Variants in TUBA1C observed in about 807,000 individuals in gnomAD.
The protein encoded by TUBA1C is tubulin alpha-1C chain.
Under a neutral mutation model 34.9 loss-of-function variants are expected in TUBA1C, and 16 were observed. The ratio of observed to expected loss-of-function variants is 0.46; its 90% confidence interval spans 0.31 to 0.70. The LOEUF is 0.70. Ranked by LOEUF, TUBA1C falls within the 30% of genes least tolerant of loss-of-function variation. TUBA1C has a pLI of 0.05. For synonymous variants in TUBA1C, 177 were observed against 215.9 expected (o/e 0.82, Z 1.58); for missense variants, 329 against 587.3 (o/e 0.56, Z 4.55).
At chr12:49,253,527 G>A (rs1165842855) in intron 1 of TUBA1C, among the ~76,000 whole-genome samples, 6 of 151,342 alleles carry the variant, frequency 4.0e-5, no homozygotes, top group South Asian at 4.2e-4. Context: ...GGGAGGGGGC[G>A]TGGGGAGGGG....
At chr12:49,251,951 T>C (rs1286576024) in intron 1 of TUBA1C, among the ~76,000 whole-genome samples, 1 of 152,150 alleles carries the variant, frequency 6.6e-6, no homozygotes, top group East Asian at 1.9e-4. Context: ...AACCCATTCA[T>C]GATAAAAACT....
chr12:49,235,665 A>G (rs955983199), intron 1 of TUBA1C, among the ~76,000 whole-genome samples: 6 of 151,528 alleles, frequency 4.0e-5, no homozygotes, highest in Non-Finnish European at 7.4e-5. Context: ...CTGGCAGGCG[A>G]AAGTTACAGT....
At chr12:49,236,695 A>C (rs1172768103) in intron 1 of TUBA1C, among the ~76,000 whole-genome samples, 1 of 152,196 alleles carries the variant, frequency 6.6e-6, no homozygotes, top group Non-Finnish European at 1.5e-5. Context: ...CACATACACA[A>C]ACCTAGGTGG....
In TUBA1C at chr12:49,228,336, A is replaced by C. The variant is rs577088193; in HGVS notation, c.213+170A>C. Among the ~76,000 whole-genome samples, 13 of 152,328 alleles carry C rather than the reference A, an allele frequency of 8.5e-5. No homozygotes were observed. In the South Asian group the frequency reaches 1.7e-3, roughly 19 times the overall value. On this transcript the variant is annotated intron_variant, in intron 1 of 3. Coordinates refer to the TUBA1C transcript ENST00000541364. ...TATTATTTCTGCAATCCTTTTTATT[A>C]TAAGGCTTATTATTGGAATATTGAA...
rs76690217 is a variant in TUBA1C, at chr12:49,242,303, C to G, written c.213+14137C>G. On this transcript the variant is annotated intron_variant, in intron 1 of 3. Coordinates refer to the TUBA1C transcript ENST00000541364. The stretch of plus-strand genomic sequence containing the variant: ...ACTGCACCCGGCCAAAAGTTTACAG[C>G]CTTCTTAGACAAGGTGGCATGAGGA... 4.2e-3 allele frequency among the ~76,000 whole-genome samples: 642 copies of G among 152,088 alleles called. 18 individuals are homozygous for G. The East Asian group carries it at 0.083, about 20-fold the overall frequency.
rs747614234 is a variant in TUBA1C at position 49,270,028 on chromosome 12, G to C, written c.375+52G>C. On this transcript the variant is annotated intron_variant, in intron 3 of 3. Coordinates refer to ENST00000301072, the MANE Select transcript of TUBA1C (RefSeq NM_032704.5). ...GGATGAGAGTTTCTTTTGCAGTTCT[G>C]AGACCAAACTACAGAAATCATTCTT... 24 of 1,614,042 alleles carry C rather than the reference G, an allele frequency of 1.5e-5. No homozygotes were observed. In the South Asian group the frequency reaches 2.6e-4, roughly 18 times the overall value.
chr12:49,254,883 C>T (rs7307435), intron 1 of TUBA1C, among the ~76,000 whole-genome samples: 89,274 of 151,828 alleles, frequency 0.59, 28,388 homozygotes, highest in Non-Finnish European at 0.72. Context: ...TCCCATCACC[C>T]AGGAAGTTCC....
chr12:49,262,924 T>C (rs1942855277), upstream of TUBA1C, among the ~76,000 whole-genome samples: 1 of 152,056 alleles, frequency 6.6e-6, no homozygotes, highest in Non-Finnish European at 1.5e-5. Context: ...TTTAACTGTC[T>C]ACCCAGGAAA....
chr12:49,235,732 C>CAAAA (rs567880656), intron 1 of TUBA1C, among the ~76,000 whole-genome samples: 1,833 of 67,184 alleles, frequency 0.027, 45 homozygotes, highest in African/African-American at 0.087. Flanking sequence ...GACTCGGTCT[C>CAAAA]AAAAAAAAAA....
At position 49,273,391 on chromosome 12, in the gene TUBA1C, A is replaced by T. The variant is rs1267620197; in HGVS notation, c.*164A>T. 7.7e-7 allele frequency: 1 copy of T among 1,304,582 alleles called. No homozygotes were observed. 80.8% of individuals were successfully genotyped at this position (1,304,582 alleles called of 1,614,324 possible). A position where few individuals can be genotyped will look rare whatever the true frequency, so the allele number is the denominator to read the frequency against. ...AAAGTTGGATGTATGAGGCTGGTAG[A>T]TGAAACCACCTGAGTCGAGGGTCTT... On this transcript the variant is annotated 3_prime_UTR_variant, in exon 4 of 4. Transcript: ENST00000301072.
intron 1 of TUBA1C, among the ~76,000 whole-genome samples, chr12:49,265,976 A>AC (rs1555167827): frequency 6.1e-5 from 9 of 148,576 alleles, no homozygotes; most frequent in Admixed American, 2.7e-4. Context: ...AAAAAAACAA[A>AC]AAAAAACGCT....
chr12:49,272,406 G>C lies in TUBA1C; in HGVS notation c.529G>C (p.Val177Leu), dbSNP rs748002587. 1 of 1,613,778 alleles carries C rather than the reference G, an allele frequency of 6.2e-7. No individual in the cohort carries two copies. Among genetic ancestry groups the C allele is most frequent in the Non-Finnish European group, 8.5e-7 (1 of 1,179,986 alleles). ...GTTCTCCATTTACCCGGCGCCCCAG[G>C]TTTCCACAGCTGTAGTTGAGCCCTA... is the stretch of plus-strand genomic sequence containing the variant. Reference protein sequence around the residue: ...LEFSIYPAPQVSTAVVEPYNS... With the variant: ...LEFSIYPAPQLSTAVVEPYNS... Residue 177 changes from valine to leucine, a missense_variant, in exon 4 of 4, where the codon GTT becomes CTT. Around this residue, in one of 4 missense-constraint regions of TUBA1C, gnomAD observed 152 missense variants for 240.3 expected, o/e 0.63. Coordinates refer to ENST00000301072, the MANE Select transcript of TUBA1C (RefSeq NM_032704.5).
chr12:49,267,003 G>A (rs1230555011), intron 1 of TUBA1C, among the ~76,000 whole-genome samples: 1 of 152,192 alleles, frequency 6.6e-6, no homozygotes, highest in Non-Finnish European at 1.5e-5. Flanking sequence ...CAGCGGACTG[G>A]TTTAGGTGAA....
chr12:49,247,792 A>G (rs1942687074), intron 1 of TUBA1C, among the ~76,000 whole-genome samples: 1 of 147,110 alleles, frequency 6.8e-6, no homozygotes, highest in Non-Finnish European at 1.5e-5. Context: ...CTAAAAATAC[A>G]AAAAAATTAG....
intron 1 of TUBA1C, among the ~76,000 whole-genome samples, chr12:49,244,197 C>T (rs1361164241): frequency 6.6e-6 from 1 of 151,600 alleles, no homozygotes; most frequent in Non-Finnish European, 1.5e-5. Context: ...ACATGTATTG[C>T]CTGCAGAAAC....
chr12:49,267,252 G>C (rs1942926824), intron 1 of TUBA1C, among the ~76,000 whole-genome samples: 1 of 152,250 alleles, frequency 6.6e-6, no homozygotes, highest in Non-Finnish European at 1.5e-5. Flanking sequence ...GCATTTGTTA[G>C]AATGAGTGGA....
chr12:49,234,520 C>T (rs911077588), intron 1 of TUBA1C, among the ~76,000 whole-genome samples: 7 of 152,228 alleles, frequency 4.6e-5, no homozygotes, highest in Admixed American at 4.6e-4. Flanking sequence ...ACGTGCAGCG[C>T]CAGGGCCTGG....
At chr12:49,258,323 C>T (rs1297625417) in intron 1 of TUBA1C, among the ~76,000 whole-genome samples, 2 of 152,102 alleles carry the variant, frequency 1.3e-5, no homozygotes, top group African/African-American at 4.8e-5. Context: ...CCTGTAATCC[C>T]AGCACTTTGG....
At chr12:49,254,990 G>A (rs1942769055) in intron 1 of TUBA1C, among the ~76,000 whole-genome samples, 1 of 151,726 alleles carries the variant, frequency 6.6e-6, no homozygotes, top group Non-Finnish European at 1.5e-5. Context: ...CCTCTGTGTT[G>A]CCCAGGGTGG....
Sources: gnomAD v4.1 joint callset for allele counts (sites outside exome capture counted in the v4.1 genomes callset) on GRCh38, gnomAD v4.1.1 for gene constraint, gnomAD v4.1.1 regional missense constraint, MANE v1.5 for transcripts, NCBI Gene and HGNC (gene_info 2026-07-23, HGNC 2026-07-21) for gene names.